Variants in ROBO1 observed in about 807,000 individuals in gnomAD.
The protein encoded by ROBO1 is roundabout homolog 1.
A neutral mutation model predicts 195.9 loss-of-function variants in ROBO1; 149 were observed. The observed-to-expected ratio is 0.76, with a 90% CI of 0.67 to 0.87. The LOEUF (loss-of-function observed/expected upper bound fraction) is 0.87, where lower values mean the gene tolerates loss of function less well. Ranked by LOEUF, ROBO1 falls within the 40% of genes least tolerant of loss-of-function variation. The probability of loss-of-function intolerance (pLI) is 0.00; values close to 1 mark genes in which losing one functional copy is unlikely to be tolerated. For missense variants in ROBO1, 1,933 were observed against 2,068.3 expected, an observed-to-expected ratio of 0.93 and a Z score of 1.27; for synonymous variants, 816 against 733.2, an observed-to-expected ratio of 1.11 and a Z score of -1.82.
intron 5 of ROBO1, among the ~76,000 whole-genome samples, chr3:78,723,671 G>A (rs576626637): frequency 4.5e-4 from 68 of 152,042 alleles, no homozygotes; most frequent in Non-Finnish European, 9.0e-4. Flanking sequence ...GGGATTGAAG[G>A]GTGTGTGGGG....
intron 3 of ROBO1, among the ~76,000 whole-genome samples, chr3:79,116,707 G>T (rs186376636): frequency 6.6e-6 from 1 of 151,530 alleles, no homozygotes; most frequent in African/African-American, 2.4e-5. Flanking sequence ...TAGTAGAGAC[G>T]GGGCTTCACC....
intron 3 of ROBO1, among the ~76,000 whole-genome samples, chr3:78,999,794 C>G (rs981735841): frequency 5.3e-5 from 8 of 152,128 alleles, no homozygotes; most frequent in Non-Finnish European, 1.2e-4. Context: ...TTGATGGTTT[C>G]TTCAGTATAC....
intron 2 of ROBO1, among the ~76,000 whole-genome samples, chr3:79,216,140 T>C (rs1314874227): frequency 6.6e-6 from 1 of 152,114 alleles, no homozygotes; most frequent in Non-Finnish European, 1.5e-5. Flanking sequence ...TTTTGGCATA[T>C]ATAAACTTTT....
intron 3 of ROBO1, among the ~76,000 whole-genome samples, chr3:79,032,239 A>G (rs1347678651): frequency 1.3e-5 from 2 of 152,088 alleles, no homozygotes; most frequent in Non-Finnish European, 2.9e-5. Context: ...AATACAGGGT[A>G]CATAATATCT....
chr3:79,201,128 T>C (rs1264579588), intron 2 of ROBO1, among the ~76,000 whole-genome samples: 2 of 151,986 alleles, frequency 1.3e-5, no homozygotes, highest in African/African-American at 4.8e-5. Flanking sequence ...CTGGACATTA[T>C]CATCATAGGC....
intron 2 of ROBO1, among the ~76,000 whole-genome samples, chr3:79,452,050 A>T (rs2039458801): frequency 6.6e-6 from 1 of 151,862 alleles, no homozygotes; most frequent in Non-Finnish European, 1.5e-5. Flanking sequence ...CTTCTTTACA[A>T]TTTTTCTGCT....
chr3:79,660,784 C>G (rs1946305939), intron 1 of ROBO1, among the ~76,000 whole-genome samples: 5 of 152,034 alleles, frequency 3.3e-5, no homozygotes, highest in Admixed American at 3.3e-4. Context: ...GTACAGCAAC[C>G]TCAGCCTGAA....
intron 3 of ROBO1, among the ~76,000 whole-genome samples, chr3:78,951,315 T>A (rs2040772794): frequency 6.6e-6 from 1 of 152,010 alleles, no homozygotes; most frequent in African/African-American, 2.4e-5. Context: ...ATTCGACTCA[T>A]TATTCATAAA....
At chr3:79,422,064 TA>T (rs1034352760) in intron 2 of ROBO1, among the ~76,000 whole-genome samples, 17 of 148,452 alleles carry the variant, frequency 1.1e-4, no homozygotes, top group South Asian at 1.0e-3. Context: ...ATTTTATATA[TA>T]AAAATATATA....
At chr3:78,627,216 G>T in intron 26 of ROBO1, 105 bp downstream of exon 26, 1 of 1,270,058 alleles carries the variant, frequency 7.9e-7, no homozygotes, top group Non-Finnish European at 1.1e-6. Context: ...TGCCAGAAAA[G>T]GCTTATGAGA....
intron 2 of ROBO1, among the ~76,000 whole-genome samples, chr3:79,252,044 A>G (rs2082739764): frequency 6.6e-6 from 1 of 152,020 alleles, no homozygotes; most frequent in Non-Finnish European, 1.5e-5. Context: ...AGAACAACCA[A>G]TATGTTGTGT....
At chr3:78,734,807 C>A (rs2082358964) in intron 5 of ROBO1, among the ~76,000 whole-genome samples, 1 of 151,992 alleles carries the variant, frequency 6.6e-6, no homozygotes, top group South Asian at 2.1e-4. Flanking sequence ...CCAAAAGCAC[C>A]AGAGATTATT....
intron 1 of ROBO1, among the ~76,000 whole-genome samples, chr3:79,728,153 A>T (rs563032711): frequency 9.2e-5 from 14 of 151,422 alleles, no homozygotes; most frequent in African/African-American, 2.9e-4. Flanking sequence ...CCCACAGGAA[A>T]TTTTTTTTAG....
intron 4 of ROBO1, among the ~76,000 whole-genome samples, chr3:78,826,505 A>C (rs1385725368): frequency 6.6e-6 from 1 of 152,178 alleles, no homozygotes; most frequent in Non-Finnish European, 1.5e-5. Flanking sequence ...GAGAGGCATA[A>C]GCATTTGCTT....
At chr3:79,163,166 A>G (rs2081003278) in intron 2 of ROBO1, among the ~76,000 whole-genome samples, 1 of 152,106 alleles carries the variant, frequency 6.6e-6, no homozygotes, top group Non-Finnish European at 1.5e-5. Context: ...CCACTAAACA[A>G]GAACTCTCCA....
At chr3:78,986,839 C>T (rs1015711236) in intron 3 of ROBO1, among the ~76,000 whole-genome samples, 7 of 152,110 alleles carry the variant, frequency 4.6e-5, no homozygotes, top group South Asian at 2.1e-4. Flanking sequence ...GACTCAAAGC[C>T]GCTAATTATG....
intron 4 of ROBO1, among the ~76,000 whole-genome samples, chr3:78,803,454 A>AT (rs1326366997): frequency 1.3e-5 from 2 of 152,124 alleles, no homozygotes; most frequent in Non-Finnish European, 2.9e-5. Context: ...AATATGATAG[A>AT]TTTTTTTAAA....
At chr3:79,463,404 AAC>A (rs1937768933) in intron 2 of ROBO1, among the ~76,000 whole-genome samples, 2 of 151,496 alleles carry the variant, frequency 1.3e-5, no homozygotes, top group African/African-American at 2.4e-5. Flanking sequence ...AAAAACAAAA[AAC>A]AAAAAACCAC....
At chr3:78,950,271 A>G (rs2040699518) in intron 3 of ROBO1, among the ~76,000 whole-genome samples, 1 of 152,070 alleles carries the variant, frequency 6.6e-6, no homozygotes, top group Non-Finnish European at 1.5e-5. Context: ...TAAATGTCCA[A>G]CAACGATAGA....
Sources: allele counts gnomAD v4.1 joint callset (sites outside exome capture counted in the v4.1 genomes callset), GRCh38; gene constraint gnomAD v4.1.1; transcripts MANE v1.5; gene names NCBI Gene and HGNC (gene_info 2026-07-23, HGNC 2026-07-21).